CACNA2D3: variants seen among roughly 807,000 people sequenced by gnomAD.
CACNA2D3 encodes the protein voltage-dependent calcium channel subunit alpha-2/delta-3.
A neutral mutation model predicts 160.6 loss-of-function variants in CACNA2D3; 60 were observed. The ratio of observed to expected loss-of-function variants is 0.37; its 90% CI spans 0.30 to 0.46. The LOEUF (loss-of-function observed/expected upper bound fraction) is 0.46, where lower values mean the gene tolerates loss of function less well. Among genes scored for constraint, CACNA2D3 ranks in the 20% least tolerant of loss-of-function variants. CACNA2D3 has a pLI of 1.00. For synonymous variants in CACNA2D3, 558 were observed against 492.9 expected (o/e 1.13, Z -1.75); for missense variants, 1,205 against 1,365.0 (o/e 0.88, Z 1.85).
intron 13 of CACNA2D3, among the ~76,000 whole-genome samples, chr3:54,780,784 G>A (rs1253706080): frequency 6.6e-6 from 1 of 152,142 alleles, no homozygotes. Flanking sequence ...TAATGAATTA[G>A]CATTTCAACT....
At chr3:54,549,880 G>T (rs1349393196) in intron 5 of CACNA2D3, among the ~76,000 whole-genome samples, 2 of 152,206 alleles carry the variant, frequency 1.3e-5, no homozygotes, top group South Asian at 2.1e-4. Flanking sequence ...TGGGAGCCAG[G>T]CCTGTCTGGA....
At chr3:54,951,149 A>T (rs1217215139) in intron 27 of CACNA2D3, among the ~76,000 whole-genome samples, 1 of 152,220 alleles carries the variant, frequency 6.6e-6, no homozygotes, top group Non-Finnish European at 1.5e-5. Flanking sequence ...AGGAAAATAG[A>T]TATTGTAATA....
intron 14 of CACNA2D3, among the ~76,000 whole-genome samples, chr3:54,828,946 G>C (rs1430846923): frequency 6.6e-6 from 1 of 152,190 alleles, no homozygotes; most frequent in Non-Finnish European, 1.5e-5. Context: ...AAAGCAAGAG[G>C]ACATGTTACT....
At chr3:54,318,340 G>C (rs1160286332) in intron 2 of CACNA2D3, among the ~76,000 whole-genome samples, 5 of 152,158 alleles carry the variant, frequency 3.3e-5, no homozygotes, top group Non-Finnish European at 7.3e-5. Flanking sequence ...TTTCAGGTGA[G>C]ATGCAAGAGA....
At chr3:54,902,976 G>A (rs1430673708) in intron 27 of CACNA2D3, among the ~76,000 whole-genome samples, 2 of 152,116 alleles carry the variant, frequency 1.3e-5, no homozygotes, top group Admixed American at 1.3e-4. Context: ...AGGCACTCTA[G>A]CTATAAATAA....
intron 13 of CACNA2D3, among the ~76,000 whole-genome samples, chr3:54,791,138 A>G (rs950263744): frequency 1.3e-5 from 2 of 151,086 alleles, no homozygotes; most frequent in African/African-American, 4.8e-5. Flanking sequence ...ATGCCTCCAC[A>G]TGACAGATGC....
chr3:54,836,131 G>A (rs116835008), intron 14 of CACNA2D3, among the ~76,000 whole-genome samples: 2 of 151,888 alleles, frequency 1.3e-5, no homozygotes, highest in African/African-American at 4.8e-5. Flanking sequence ...TAAAAAGCAG[G>A]TGCAATGGTG....
chr3:54,948,730 ACTGT>A (rs1701678875), intron 27 of CACNA2D3, among the ~76,000 whole-genome samples: 1 of 152,166 alleles, frequency 6.6e-6, no homozygotes, highest in Admixed American at 6.5e-5. Flanking sequence ...ATTGTATTTG[ACTGT>A]CTGCATGGAG....
intron 4 of CACNA2D3, among the ~76,000 whole-genome samples, chr3:54,470,499 A>G (rs964952291): frequency 5.9e-5 from 9 of 152,242 alleles, no homozygotes; most frequent in Non-Finnish European, 7.3e-5. Flanking sequence ...TGTAAAGACT[A>G]TCAAGTCTAT....
chr3:54,514,369 G>A (rs991858486), intron 5 of CACNA2D3, among the ~76,000 whole-genome samples: 2 of 152,166 alleles, frequency 1.3e-5, no homozygotes, highest in Non-Finnish European at 2.9e-5. Context: ...GTGTGTTTAG[G>A]AGAAGTGAAT....
chr3:54,562,442 G>A (rs553917674), intron 5 of CACNA2D3, among the ~76,000 whole-genome samples: 2 of 152,268 alleles, frequency 1.3e-5, no homozygotes, highest in African/African-American at 4.8e-5. Context: ...TTTTGGCTCC[G>A]TAGGGGGAAA....
At chr3:54,916,844 C>A (rs1349849243) in intron 27 of CACNA2D3, among the ~76,000 whole-genome samples, 3 of 152,146 alleles carry the variant, frequency 2.0e-5, no homozygotes, top group Admixed American at 6.5e-5. Context: ...GAGCCAGTAC[C>A]CTGAGTAGCA....
chr3:54,199,177 T>G (rs1466979063), intron 2 of CACNA2D3, among the ~76,000 whole-genome samples: 1 of 152,180 alleles, frequency 6.6e-6, no homozygotes, highest in Non-Finnish European at 1.5e-5. Context: ...AAATATAGAC[T>G]AATAAAACAC....
At chr3:54,237,685 A>G (rs1701908552) in intron 2 of CACNA2D3, among the ~76,000 whole-genome samples, 1 of 152,004 alleles carries the variant, frequency 6.6e-6, no homozygotes, top group African/African-American at 2.4e-5. Flanking sequence ...CATCAATTTC[A>G]TTTACCCAGA....
intron 2 of CACNA2D3, among the ~76,000 whole-genome samples, chr3:54,228,180 G>C (rs1461476238): frequency 6.6e-6 from 1 of 152,074 alleles, no homozygotes; most frequent in African/African-American, 2.4e-5. Context: ...CCAGAGACTT[G>C]GTCTATTCTC....
intron 9 of CACNA2D3, among the ~76,000 whole-genome samples, chr3:54,625,832 C>A (rs542294609): frequency 1.3e-5 from 2 of 152,316 alleles, no homozygotes; most frequent in South Asian, 4.1e-4. Context: ...AAACAATCAG[C>A]ATGCCCTAAG....
At chr3:54,987,568 A>T in intron 30 of CACNA2D3, 115 bp from the exon 31 acceptor site, 1 of 609,898 alleles carries the variant, frequency 1.6e-6, no homozygotes, top group Non-Finnish European at 2.8e-6. Context: ...TTTCCTGAAA[A>T]CCTGCCTTTT....
At chr3:54,284,559 G>T (rs1054134322) in intron 2 of CACNA2D3, among the ~76,000 whole-genome samples, 1 of 151,968 alleles carries the variant, frequency 6.6e-6, no homozygotes, top group Non-Finnish European at 1.5e-5. Context: ...AGGAAAAATC[G>T]TATTAAAATG....
intron 31 of CACNA2D3, among the ~76,000 whole-genome samples, chr3:54,988,172 G>A (rs1009332124): frequency 9.2e-5 from 14 of 152,204 alleles, no homozygotes; most frequent in African/African-American, 3.1e-4. Context: ...GGTATTTAGA[G>A]ACTTCTTGAT....
Sources: allele counts gnomAD v4.1 joint callset (sites outside exome capture counted in the v4.1 genomes callset), GRCh38; gene constraint gnomAD v4.1.1; transcripts MANE v1.5; gene names NCBI Gene and HGNC (gene_info 2026-07-23, HGNC 2026-07-21).